The following PPFIBP2 variants were observed in gnomAD, a reference collection of about 807,000 sequenced individuals.
PPFIBP2 encodes the protein liprin-beta-2.
PPFIBP2 carries 118 observed loss-of-function variants against 118.3 expected under a neutral mutation model. The ratio of observed to expected loss-of-function variants is 1.00; its 90% CI spans 0.86 to 1.16. The LOEUF (loss-of-function observed/expected upper bound fraction) is 1.16, where lower values mean the gene tolerates loss of function less well. Ranked by LOEUF, PPFIBP2 falls within the 50% of genes most tolerant of loss-of-function variation. The pLI is 0.00. For synonymous variants in PPFIBP2, 414 were observed against 397.4 expected (o/e 1.04, Z -0.50); for missense variants, 1,195 against 1,073.1 (o/e 1.11, Z -1.59).
chr11:7,616,956 T>C lies in PPFIBP2; in HGVS notation c.619-3979T>C, dbSNP rs1278398228. Among the ~76,000 whole-genome samples, 3 of 152,132 alleles carry C rather than the reference T, an allele frequency of 2.0e-5. No homozygotes were observed. The highest frequency in any genetic ancestry group is 6.5e-5 in the Admixed American group (1 of 15,278). ...GGAAAAATGCCATGTCTTTTGGTTC[T>C]GTTGTGGAAAGTGGAGGGCCGTCGA... On this transcript the variant is annotated intron_variant, in intron 6 of 23. Transcript: ENST00000299492. This position sits in a 1 kb window ranked among gnomAD's most constrained non-coding sequence, Gnocchi z 5.2.
chr11:7,618,386 G>A (rs1848934682), intron 6 of PPFIBP2, among the ~76,000 whole-genome samples: 1 of 152,194 alleles, frequency 6.6e-6, no homozygotes, highest in Non-Finnish European at 1.5e-5. Context: ...ATGTTCCAGA[G>A]GTCACGGAGC....
At chr11:7,645,310 G>A (rs1034704611) in intron 17 of PPFIBP2, among the ~76,000 whole-genome samples, 1 of 151,166 alleles carries the variant, frequency 6.6e-6, no homozygotes, top group African/African-American at 2.5e-5. Context: ...TGCACAAATG[G>A]CTTCCAGGAT....
chr11:7,593,027 G>T (rs1425131921), intron 3 of PPFIBP2, 105 bp from the exon 4 acceptor site: 10 of 1,472,756 alleles, frequency 6.8e-6, no homozygotes, highest in Non-Finnish European at 9.1e-6. Flanking sequence ...CATATAATCA[G>T]TGAAACTATC....
At chr11:7,664,439 C>G in the PPFIBP2 span, among the ~76,000 whole-genome samples, 5 of 152,252 alleles carry the variant, frequency 3.3e-5, no homozygotes, top group African/African-American at 1.2e-4. Context: ...GTGATGGAGG[C>G]TCTCCTGTGG....
intron 11 of PPFIBP2, 157 bp downstream of exon 11, chr11:7,631,185 G>A (rs764229433): frequency 2.4e-5 from 15 of 625,098 alleles, no homozygotes; most frequent in South Asian, 1.5e-4. Context: ...GGGGATGGGC[G>A]AGCAAGAGGC....
At chr11:7,564,477 G>A (rs912999253) in intron 2 of PPFIBP2, among the ~76,000 whole-genome samples, 10 of 152,208 alleles carry the variant, frequency 6.6e-5, no homozygotes, top group Non-Finnish European at 1.0e-4. Flanking sequence ...GGGATATAAA[G>A]ATCTTCTAAC....
chr11:7,518,236 C>G (rs1414735081), intron 1 of PPFIBP2, among the ~76,000 whole-genome samples: 3 of 152,126 alleles, frequency 2.0e-5, no homozygotes, highest in African/African-American at 7.2e-5. Flanking sequence ...CACCGAATAT[C>G]GGGAATGGAT....
chr11:7,560,858 T>A (rs1293882707), intron 2 of PPFIBP2, among the ~76,000 whole-genome samples: 1 of 152,258 alleles, frequency 6.6e-6, no homozygotes, highest in Non-Finnish European at 1.5e-5. Context: ...TTGAATATCA[T>A]TTTTAAATGT....
At chr11:7,604,174 A>G (rs116329936) in intron 5 of PPFIBP2, among the ~76,000 whole-genome samples, 2,681 of 152,296 alleles carry the variant, frequency 0.018, 77 homozygotes, top group African/African-American at 0.06. Context: ...TTGACAGAAT[A>G]AAGGCAGCCA....
intron 1 of PPFIBP2, among the ~76,000 whole-genome samples, chr11:7,532,645 G>C (rs1031713500): frequency 3.9e-5 from 6 of 152,226 alleles, no homozygotes; most frequent in Non-Finnish European, 8.8e-5. Context: ...CGGAACTCCA[G>C]TGAACACAGA....
downstream of PPFIBP2, chr11:7,653,823 C>T: frequency 8.4e-7 from 1 of 1,184,550 alleles, no homozygotes; most frequent in Non-Finnish European, 1.1e-6. Flanking sequence ...GAAATGGAGT[C>T]CTACGGATTG....
chr11:7,533,394 T>G (rs757653291), intron 1 of PPFIBP2, among the ~76,000 whole-genome samples: 5 of 152,358 alleles, frequency 3.3e-5, no homozygotes, highest in Non-Finnish European at 5.9e-5. Context: ...TAACATTTTG[T>G]GTCAACAAAC....
intron 1 of PPFIBP2, among the ~76,000 whole-genome samples, chr11:7,547,744 TC>T (rs1245974477): frequency 6.6e-6 from 1 of 152,088 alleles, no homozygotes; most frequent in Non-Finnish European, 1.5e-5. Context: ...CCCTGTGAGC[TC>T]CCATTCTCAT....
chr11:7,608,999 C>T (rs964441837), intron 5 of PPFIBP2, among the ~76,000 whole-genome samples: 1 of 152,168 alleles, frequency 6.6e-6, no homozygotes, highest in Non-Finnish European at 1.5e-5. Flanking sequence ...CCCCAGAGCT[C>T]GGGGAGCTCA....
At chr11:7,559,317 TTTTA>T (rs1365714513) in intron 2 of PPFIBP2, among the ~76,000 whole-genome samples, 1 of 152,174 alleles carries the variant, frequency 6.6e-6, no homozygotes, top group Non-Finnish European at 1.5e-5. Context: ...CACACATTTT[TTTTA>T]TTTGTTTTCT....
chr11:7,634,473 C>A (rs201559211), intron 12 of PPFIBP2, 22 bp from the exon 13 acceptor site: 267 of 1,579,688 alleles, frequency 1.7e-4, no homozygotes, highest in African/African-American at 1.1e-3. Flanking sequence ...ATAACTATTT[C>A]TTTCTTTTGT....
At chr11:7,583,699 T>G (rs754190790) in intron 3 of PPFIBP2, among the ~76,000 whole-genome samples, 57 of 152,140 alleles carry the variant, frequency 3.7e-4, no homozygotes, top group Admixed American at 2.1e-3. Context: ...TTGGTAAATG[T>G]GTTTCTCTAC....
intron 7 of PPFIBP2, among the ~76,000 whole-genome samples, chr11:7,621,652 G>T (rs1480053876): frequency 6.6e-6 from 1 of 152,160 alleles, no homozygotes; most frequent in African/African-American, 2.4e-5. Context: ...TTCAGCCCAT[G>T]AATTTTTTTG....
intron 5 of PPFIBP2, chr11:7,606,008 C>A: frequency 6.5e-7 from 1 of 1,534,390 alleles, no homozygotes; most frequent in Non-Finnish European, 8.7e-7. Flanking sequence ...AGACGGAGTG[C>A]GCCTAAAGTA....
Sources: gnomAD v4.1 joint callset for allele counts (sites outside exome capture counted in the v4.1 genomes callset) on GRCh38, gnomAD v4.1.1 for gene constraint, Gnocchi (gnomAD v3.1) non-coding constraint, MANE v1.5 for transcripts, NCBI Gene and HGNC (gene_info 2026-07-23, HGNC 2026-07-21) for gene names.